Variants in PTPN14 observed in about 807,000 individuals in gnomAD.
PTPN14 encodes the protein protein tyrosine phosphatase non-receptor type 14.
A neutral mutation model predicts 126.8 loss-of-function variants in PTPN14; 53 were observed. The ratio of observed to expected loss-of-function variants is 0.42; its 90% confidence interval spans 0.34 to 0.53. The LOEUF is 0.53. Among genes scored for constraint, PTPN14 ranks in the 20% least tolerant of loss-of-function variants. The pLI is 0.08. For missense variants in PTPN14, 1,257 were observed against 1,552.9 expected, an observed-to-expected ratio of 0.81 and a Z score of 3.20; for synonymous variants, 630 against 599.3, an observed-to-expected ratio of 1.05 and a Z score of -0.75.
intron 7 of PTPN14, among the ~76,000 whole-genome samples, chr1:214,399,781 T>C (rs1279696435): frequency 6.6e-6 from 1 of 152,228 alleles, no homozygotes; most frequent in African/African-American, 2.4e-5. Flanking sequence ...AATTCTTTTA[T>C]CTCCTGTCCC....
In PTPN14 at chr1:214,386,864, G is replaced by A. The variant is rs779183230; in HGVS notation, c.1046C>T (p.Ser349Leu). The A allele has an allele frequency of 8.7e-6, 14 of 1,606,550 alleles. No homozygotes were observed. Among genetic ancestry groups the A allele is most frequent in the South Asian group, 5.5e-5 (5 of 90,724 alleles). The change falls in exon 12 of 19, where the codon TCG (serine) becomes TTG (leucine). Residue 349 changes from serine (S) to leucine (L), a missense_variant. Coordinates refer to ENST00000366956, the MANE Select transcript of PTPN14 (RefSeq NM_005401.5). Reference protein sequence around the residue: ...PVHVQCGEHYSETHTSQDSIF... With the variant: ...PVHVQCGEHYLETHTSQDSIF... ...GTTACCTTGCGAGGTGTGCGTTTCCGAGTAGTGCTCACCACACTGGACGTG... is the reference window on the plus strand; with the variant it reads ...GTTACCTTGCGAGGTGTGCGTTTCCAAGTAGTGCTCACCACACTGGACGTG...
At chr1:214,502,042 G>A (rs1183839536) in intron 1 of PTPN14, among the ~76,000 whole-genome samples, 1 of 140,170 alleles carries the variant, frequency 7.1e-6, no homozygotes, top group East Asian at 2.1e-4. Flanking sequence ...CTGGGCGACG[G>A]TGCAAGGCTC....
intron 3 of PTPN14, among the ~76,000 whole-genome samples, chr1:214,437,769 A>G (rs1403077129): frequency 1.3e-5 from 2 of 152,192 alleles, no homozygotes; most frequent in Non-Finnish European, 2.9e-5. Context: ...GCAACTCTTT[A>G]ATTCCTTCCC....
intron 1 of PTPN14, among the ~76,000 whole-genome samples, chr1:214,538,228 C>A (rs1655755102): frequency 6.6e-6 from 1 of 152,162 alleles, no homozygotes; most frequent in African/African-American, 2.4e-5. Context: ...GGAAGGAACA[C>A]ATGTACTTGA....
chr1:214,398,255 G>C (rs572723027), intron 7 of PTPN14, among the ~76,000 whole-genome samples: 10 of 152,276 alleles, frequency 6.6e-5, no homozygotes, highest in Admixed American at 3.9e-4. Flanking sequence ...AATAACACGT[G>C]TTCTCACTTA....
chr1:214,503,814 G>A lies in PTPN14; in HGVS notation c.-154-38857C>T, dbSNP rs894747218. Among the ~76,000 whole-genome samples the A allele has an allele frequency of 5.3e-5, 8 of 152,170 alleles. No homozygotes were observed. The East Asian group carries it at 5.8e-4, about 11-fold the overall frequency. Reference sequence around the variant, plus strand: ...TATGCGTTCAGCAGCAAACACACCCGACATCACCTACTTCAATAAGGTTTG... The same window carrying A: ...TATGCGTTCAGCAGCAAACACACCCAACATCACCTACTTCAATAAGGTTTG... On this transcript the variant is annotated intron_variant, in intron 1 of 18. Transcript: ENST00000366956.
intron 1 of PTPN14, among the ~76,000 whole-genome samples, chr1:214,465,744 A>G (rs1258504441): frequency 6.6e-6 from 1 of 152,014 alleles, no homozygotes; most frequent in Non-Finnish European, 1.5e-5. Flanking sequence ...TATGGTGTCT[A>G]TTTTACAGAT....
intron 2 of PTPN14, among the ~76,000 whole-genome samples, chr1:214,455,988 GT>G (rs1430915286): frequency 6.6e-6 from 1 of 152,102 alleles, no homozygotes; most frequent in Non-Finnish European, 1.5e-5. Context: ...CTATTAAAAA[GT>G]AGTTTGGGGT....
At chr1:214,435,404 T>C (rs1452137824) in intron 3 of PTPN14, among the ~76,000 whole-genome samples, 2 of 152,090 alleles carry the variant, frequency 1.3e-5, no homozygotes, top group South Asian at 2.1e-4. Flanking sequence ...GTTATAATTA[T>C]ACAATGTCCT....
chr1:214,456,537 A>T (rs998069330), intron 2 of PTPN14, among the ~76,000 whole-genome samples: 4 of 152,196 alleles, frequency 2.6e-5, no homozygotes, highest in African/African-American at 9.6e-5. Context: ...TAACTGACAC[A>T]TCTATAATTA....
intron 11 of PTPN14, among the ~76,000 whole-genome samples, 153 bp from the exon 12 acceptor site, chr1:214,387,075 T>C (rs1658636821): frequency 1.3e-5 from 2 of 152,150 alleles, no homozygotes; most frequent in South Asian, 4.1e-4. Context: ...AACCTTCTTC[T>C]ACCCGTCTGC....
chr1:214,508,549 G>A (rs75362065), intron 1 of PTPN14, among the ~76,000 whole-genome samples: 5,848 of 152,186 alleles, frequency 0.038, 172 homozygotes, highest in Middle Eastern at 0.12. Flanking sequence ...GCTAAAGTTT[G>A]AACCCCTCAA....
chr1:214,470,162 A>C (rs1325752404), intron 1 of PTPN14, among the ~76,000 whole-genome samples: 1 of 152,158 alleles, frequency 6.6e-6, no homozygotes, highest in East Asian at 1.9e-4. Context: ...GGTTTTGTGC[A>C]CCTGTAGTCT....
rs141184727 is a variant in PTPN14, at chr1:214,384,272, G to A, written c.1583C>T (p.Pro528Leu). The part of the protein sequence containing the change: ...NPKNNVVPSK[P>L]GASAISHTVS... ...CGTGTGCGAGATGGCGCTTGCCCCC[G>A]GCTTGCTTGGTACCACATTATTCTT... The change falls in exon 13 of 19, where the codon CCG becomes CTG. Residue 528 changes from proline to leucine, a missense_variant. Physicochemically the swap from Pro to Leu is moderately conservative, Grantham distance 98. Transcript: ENST00000366956. The surrounding 1 kb of genome is among the most constrained non-coding windows in gnomAD (Gnocchi z 5.3). 314 of 1,614,040 alleles carry A rather than the reference G, an allele frequency of 1.9e-4. No individual in the cohort carries two copies. Among genetic ancestry groups the A allele is most frequent in the Admixed American group, 1.4e-3 (82 of 60,002 alleles).
intron 1 of PTPN14, among the ~76,000 whole-genome samples, chr1:214,498,762 A>C (rs370144216): frequency 2.6e-5 from 4 of 152,214 alleles, no homozygotes; most frequent in East Asian, 3.9e-4. Flanking sequence ...ATTAAAATTT[A>C]AAATACCCAT....
chr1:214,383,627 C>A lies in PTPN14; in HGVS notation c.2228G>T (p.Arg743Leu). ...YSAQLQAALARIPNKPPPEYP... is the reference protein window; with the variant it reads ...YSAQLQAALALIPNKPPPEYP... ...CTCAGGCGGGGGCTTGTTGGGGATG[C>A]GGGCCAGGGCCGCCTGCAGCTGGGC... is the stretch of plus-strand genomic sequence containing the variant. The change falls in exon 13 of 19, where the codon CGC becomes CTC. Residue 743 changes from arginine (R) to leucine (L), a missense_variant. Transcript: ENST00000366956. The surrounding 1 kb of genome is among the most constrained non-coding windows in gnomAD (Gnocchi z 4.4). The A allele has an allele frequency of 6.2e-7, 1 of 1,613,042 alleles. No homozygotes were observed.
At chr1:214,502,469 G>A (rs1255466133) in intron 1 of PTPN14, among the ~76,000 whole-genome samples, 1 of 152,164 alleles carries the variant, frequency 6.6e-6, no homozygotes, top group Non-Finnish European at 1.5e-5. Context: ...TATGCAAATA[G>A]TGTGCAACAC....
At chr1:214,508,135 G>C (rs1654887191) in intron 1 of PTPN14, among the ~76,000 whole-genome samples, 1 of 152,172 alleles carries the variant, frequency 6.6e-6, no homozygotes, top group Non-Finnish European at 1.5e-5. Context: ...AAGTTGGGTG[G>C]CTATGGCCAT....
intron 3 of PTPN14, among the ~76,000 whole-genome samples, chr1:214,423,352 T>A (rs920568847): frequency 6.6e-6 from 1 of 151,864 alleles, no homozygotes; most frequent in Non-Finnish European, 1.5e-5. Context: ...AAAAGAAAGA[T>A]AAGAAAAAGA....
Sources: allele counts gnomAD v4.1 joint callset (sites outside exome capture counted in the v4.1 genomes callset), GRCh38; gene constraint gnomAD v4.1.1; non-coding constraint Gnocchi (gnomAD v3.1); transcripts MANE v1.5; gene names NCBI Gene and HGNC (gene_info 2026-07-23, HGNC 2026-07-21).